Variants in ST8SIA5 observed in about 807,000 individuals in gnomAD.
The protein encoded by ST8SIA5 is alpha-2,8-sialyltransferase 8E.
ST8SIA5 carries 24 observed loss-of-function variants against 40.2 expected under a neutral mutation model. The ratio of observed to expected loss-of-function variants is 0.60; its 90% CI spans 0.43 to 0.84. ST8SIA5 has a LOEUF of 0.84. Among genes scored for constraint, ST8SIA5 ranks in the 40% least tolerant of loss-of-function variants. The pLI, the probability that ST8SIA5 is intolerant of heterozygous loss-of-function variation, is 0.00. For synonymous variants in ST8SIA5, 198 were observed against 201.8 expected (o/e 0.98, Z 0.16); for missense variants, 465 against 498.5 (o/e 0.93, Z 0.64).
chr18:46,728,207 A>G (rs992245625), intron 1 of ST8SIA5, among the ~76,000 whole-genome samples: 6 of 152,070 alleles, frequency 3.9e-5, no homozygotes, highest in African/African-American at 1.4e-4. Context: ...AAAAAAAAAA[A>G]AACTATAGAG....
chr18:46,684,794 G>T (rs1325084059), intron 5 of ST8SIA5, among the ~76,000 whole-genome samples: 1 of 152,164 alleles, frequency 6.6e-6, no homozygotes. Context: ...CGGGTCCCTG[G>T]TTATAGGGTT....
intron 2 of ST8SIA5, 148 bp downstream of exon 2, chr18:46,704,424 G>A: frequency 1.4e-6 from 1 of 695,338 alleles, no homozygotes; most frequent in East Asian, 2.5e-5. Context: ...GAATGCCAGT[G>A]GCTCTGGGGA....
intron 2 of ST8SIA5, among the ~76,000 whole-genome samples, chr18:46,700,639 G>T (rs1335481133): frequency 6.6e-6 from 1 of 152,192 alleles, no homozygotes; most frequent in Non-Finnish European, 1.5e-5. Flanking sequence ...CCAGGGCTTG[G>T]GGTCACAGAG....
intron 3 of ST8SIA5, 139 bp from the exon 4 acceptor site, chr18:46,689,058 A>G (rs2039477051): frequency 1.9e-6 from 2 of 1,070,942 alleles, no homozygotes; most frequent in East Asian, 2.8e-5. Flanking sequence ...CCCACCCTGC[A>G]TGGAGCCGAG....
chr18:46,738,255 A>AAG (rs2144555688), intron 1 of ST8SIA5, among the ~76,000 whole-genome samples: 2 of 151,598 alleles, frequency 1.3e-5, no homozygotes, highest in Non-Finnish European at 2.9e-5. Flanking sequence ...AAATGTCAAA[A>AAG]AAAAAAAAAA....
In ST8SIA5 at chr18:46,670,611, T is replaced by C. The variant is rs995667543; in HGVS notation, c.*9431A>G. The C allele has an allele frequency of 3.9e-5, 6 of 152,126 alleles. No homozygotes were observed. Among genetic ancestry groups the C allele is most frequent in the African/African-American group, 1.4e-4 (6 of 41,416 alleles). 9.4% of individuals were successfully genotyped at this position (152,126 alleles called of 1,614,324 possible). A position where few individuals can be genotyped will look rare whatever the true frequency, so the allele number is the denominator to read the frequency against. ...TGACTACAGGTGTGCTTTTGTATTC[T>C]TTATTGAGACAGGGTTTTGCCATGT... On this transcript the variant is annotated 3_prime_UTR_variant, in exon 7 of 7. Coordinates refer to ENST00000315087, the MANE Select transcript of ST8SIA5 (RefSeq NM_013305.6).
intron 3 of ST8SIA5, among the ~76,000 whole-genome samples, chr18:46,690,066 A>G (rs767613160): frequency 3.2e-4 from 49 of 152,200 alleles, no homozygotes; most frequent in South Asian, 1.2e-3. Flanking sequence ...GGCATTACAA[A>G]CTGGCATCTG....
At chr18:46,740,607 A>G (rs1339201932) in intron 1 of ST8SIA5, among the ~76,000 whole-genome samples, 2 of 152,206 alleles carry the variant, frequency 1.3e-5, no homozygotes, top group African/African-American at 4.8e-5. Flanking sequence ...AAAGATAAGG[A>G]AAAACTTGAA....
chr18:46,676,459 T>G lies in ST8SIA5; in HGVS notation c.*3583A>C, dbSNP rs1244299981. ...ATTCACTCACTAAATTGGCCAGCAC[T>G]CTACTCTGCCTCAGTTGTTTCTAAG... is the stretch of plus-strand genomic sequence containing the variant. On this transcript the variant is annotated 3_prime_UTR_variant, in exon 7 of 7. Transcript: ENST00000315087. 2.6e-5 allele frequency: 4 copies of G among 152,246 alleles called. No homozygotes were observed. Among genetic ancestry groups the G allele is most frequent in the African/African-American group, 9.6e-5 (4 of 41,462 alleles). The allele number at this position is 152,246 out of a possible 1,614,324, so 9.4% of individuals were successfully genotyped here. A position where few individuals can be genotyped will look rare whatever the true frequency, so the allele number is the denominator to read the frequency against.
intron 1 of ST8SIA5, among the ~76,000 whole-genome samples, chr18:46,715,674 G>T (rs539301003): frequency 6.6e-6 from 1 of 152,012 alleles, no homozygotes; most frequent in Admixed American, 6.5e-5. Context: ...CGAACTTCTG[G>T]GCTCAAGTGA....
chr18:46,754,857 G>C (rs1016344635), intron 1 of ST8SIA5, among the ~76,000 whole-genome samples: 1 of 152,254 alleles, frequency 6.6e-6, no homozygotes, highest in East Asian at 1.9e-4. Context: ...CTGCTGAAGA[G>C]CAAGTGCCAA....
chr18:46,749,439 A>G (rs1465442939), intron 1 of ST8SIA5, among the ~76,000 whole-genome samples: 1 of 152,230 alleles, frequency 6.6e-6, no homozygotes, highest in Non-Finnish European at 1.5e-5. Flanking sequence ...CGACACTTTT[A>G]TTGAATATTA....
In ST8SIA5 at chr18:46,692,217, A is replaced by AGTCC. The variant is rs1186966990; in HGVS notation, c.262_263insGGAC (p.Leu88ArgfsTer13). On this transcript the variant is annotated frameshift_variant, in exon 3 of 7. Coordinates refer to ENST00000315087, the MANE Select transcript of ST8SIA5 (RefSeq NM_013305.6). LOFTEE classifies it high-confidence loss of function. ...GTTCATCGCCCATTTGCACATCTGG[A>AGTCC]GGCTCTTCCACCTGTCGAACAGCTC... is the stretch of plus-strand genomic sequence containing the variant. The AGTCC allele has an allele frequency of 2.5e-6, 4 of 1,614,058 alleles. No homozygotes were observed. The highest frequency in any genetic ancestry group is 3.4e-6 in the Non-Finnish European group (4 of 1,179,998).
In ST8SIA5 at chr18:46,672,601, G is replaced by T. The variant is rs1439729574; in HGVS notation, c.*7441C>A. The T allele has an allele frequency of 3.6e-5, 5 of 138,664 alleles. 1 individual carries two copies. Among genetic ancestry groups the T allele is most frequent in the South Asian group, 5.3e-4 (2 of 3,806 alleles). 8.6% of individuals were successfully genotyped at this position (138,664 alleles called of 1,614,324 possible). A position where few individuals can be genotyped will look rare whatever the true frequency, so the allele number is the denominator to read the frequency against. ...ATGGAAGTGTATGTTTTTGCTTTTG[G>T]TTTTTTTCCTTTGAAATAAAAAAAA... On this transcript the variant is annotated 3_prime_UTR_variant, in exon 7 of 7. Transcript: ENST00000315087.
chr18:46,744,889 T>C (rs567567193), intron 1 of ST8SIA5, among the ~76,000 whole-genome samples: 2 of 152,068 alleles, frequency 1.3e-5, no homozygotes, highest in African/African-American at 2.4e-5. Flanking sequence ...TGCAATCAAA[T>C]TAGAACTCAG....
chr18:46,752,706 T>C (rs2040206177), intron 1 of ST8SIA5, among the ~76,000 whole-genome samples: 1 of 152,198 alleles, frequency 6.6e-6, no homozygotes. Flanking sequence ...CCCACTGCCA[T>C]TTGCTCTGGG....
At chr18:46,719,175 G>A (rs371118317) in intron 1 of ST8SIA5, among the ~76,000 whole-genome samples, 6 of 152,274 alleles carry the variant, frequency 3.9e-5, no homozygotes, top group African/African-American at 4.8e-5. Context: ...AAATGGGAGC[G>A]CTCCAGAAGG....
intron 1 of ST8SIA5, among the ~76,000 whole-genome samples, chr18:46,717,924 T>C (rs1024760561): frequency 4.6e-5 from 7 of 152,190 alleles, no homozygotes; most frequent in African/African-American, 1.7e-4. Context: ...AAACGGAAGA[T>C]GCACAACAAC....
rs2040246827 is a variant in ST8SIA5 at position 46,756,393 on chromosome 18, C to T, written c.116G>A (p.Arg39Lys). ...VTLLQQILYG[R>K]NYIKRYFEFY... ...ACTTTCTTACCTCTTAATGTAGTTCCTGCCATACAGGATCTGTTGCAGCAA... is the reference window on the plus strand; with the variant it reads ...ACTTTCTTACCTCTTAATGTAGTTCTTGCCATACAGGATCTGTTGCAGCAA... The change falls in exon 1 of 7, where the codon AGG becomes AAG. Residue 39 changes from arginine (R) to lysine (K), a missense_variant. By Grantham distance (26) the Arg-to-Lys change is conservative (BLOSUM62 2). Transcript: ENST00000315087. 6.2e-7 allele frequency: 1 copy of T among 1,612,616 alleles called. No individual in the cohort carries two copies. The highest frequency in any genetic ancestry group is 1.7e-5 in the Admixed American group (1 of 59,954).
Sources: allele counts gnomAD v4.1 joint callset (sites outside exome capture counted in the v4.1 genomes callset), GRCh38; gene constraint gnomAD v4.1.1; transcripts MANE v1.5; gene names NCBI Gene and HGNC (gene_info 2026-07-23, HGNC 2026-07-21).